Variants in SLMAP observed in about 807,000 individuals in gnomAD.
SLMAP encodes the protein sarcolemma associated protein.
In SLMAP, 44 loss-of-function variants were observed where a neutral mutation model predicts 128.8. The ratio of observed to expected loss-of-function variants is 0.34; its 90% CI spans 0.27 to 0.44. The LOEUF (loss-of-function observed/expected upper bound fraction) is 0.44. SLMAP is among the 20% of genes least tolerant of loss of function. The pLI, the probability that SLMAP is intolerant of heterozygous loss-of-function variation, is 1.00. For missense variants in SLMAP, 787 were observed against 985.3 expected, an observed-to-expected ratio of 0.80 and a Z score of 2.69; for synonymous variants, 327 against 348.8, an observed-to-expected ratio of 0.94 and a Z score of 0.70.
intron 2 of SLMAP, among the ~76,000 whole-genome samples, chr3:57,794,173 G>A (rs947550085): frequency 6.6e-6 from 1 of 151,862 alleles, no homozygotes; most frequent in African/African-American, 2.4e-5. Context: ...TCCCTATTCT[G>A]AAACTCACTT....
intron 17 of SLMAP, among the ~76,000 whole-genome samples, chr3:57,905,664 A>G (rs185521089): frequency 1.8e-4 from 28 of 152,308 alleles, no homozygotes; most frequent in Non-Finnish European, 4.0e-4. Context: ...TTTATCTGCA[A>G]CGTATTTATT....
chr3:57,858,295 ACGT>A, intron 8 of SLMAP, 136 bp downstream of exon 8: 2 of 621,894 alleles, frequency 3.2e-6, no homozygotes, highest in Non-Finnish European at 5.8e-6. Flanking sequence ...GTGCTGAGAA[ACGT>A]CAGACATCCA....
chr3:57,787,330 G>A (rs2084422738), intron 2 of SLMAP, among the ~76,000 whole-genome samples: 1 of 151,946 alleles, frequency 6.6e-6, no homozygotes. Context: ...TCTACTTTAT[G>A]TTACCCATTA....
chr3:57,848,544 T>C (rs2094373494), intron 5 of SLMAP, among the ~76,000 whole-genome samples: 1 of 149,382 alleles, frequency 6.7e-6, no homozygotes, highest in South Asian at 2.2e-4. Context: ...CTTCCTTCCC[T>C]TTTTCCTCCC....
intron 6 of SLMAP, among the ~76,000 whole-genome samples, chr3:57,854,134 ATAGT>A (rs898603683): frequency 6.7e-6 from 1 of 148,670 alleles, no homozygotes; most frequent in African/African-American, 2.5e-5. Context: ...GAGCTGCCAA[ATAGT>A]TATTTAATTC....
At chr3:57,810,328 C>A (rs991231025) in intron 2 of SLMAP, among the ~76,000 whole-genome samples, 7 of 152,186 alleles carry the variant, frequency 4.6e-5, no homozygotes, top group Non-Finnish European at 8.8e-5. Flanking sequence ...GGCATGGGAT[C>A]CAGGCTGGTA....
chr3:57,887,330 A>G (rs899159307), intron 14 of SLMAP, among the ~76,000 whole-genome samples: 3 of 151,872 alleles, frequency 2.0e-5, no homozygotes, highest in African/African-American at 4.8e-5. Flanking sequence ...CCTGGGTTCA[A>G]ACGGTTCTCC....
intron 2 of SLMAP, among the ~76,000 whole-genome samples, chr3:57,824,450 A>G (rs941098087): frequency 6.6e-6 from 1 of 152,178 alleles, no homozygotes. Context: ...GGTATGAGGC[A>G]GGGGTCCAAC....
chr3:57,763,831 GT>G (rs1426546319), intron 2 of SLMAP, among the ~76,000 whole-genome samples: 1 of 152,042 alleles, frequency 6.6e-6, no homozygotes, highest in African/African-American at 2.4e-5. Flanking sequence ...TGTTTTTTTG[GT>G]TATTTTTATT....
intron 2 of SLMAP, among the ~76,000 whole-genome samples, chr3:57,771,868 C>T (rs952197226): frequency 1.3e-5 from 2 of 152,118 alleles, no homozygotes; most frequent in African/African-American, 4.8e-5. Context: ...TGTACAGTTT[C>T]CCTGTTAAAG....
intron 2 of SLMAP, among the ~76,000 whole-genome samples, chr3:57,802,166 T>C (rs1243033220): frequency 6.6e-6 from 1 of 152,202 alleles, no homozygotes; most frequent in Non-Finnish European, 1.5e-5. Flanking sequence ...CAACGATCAC[T>C]GTAATTCAGC....
chr3:57,917,577 G>T, intron 22 of SLMAP: 1 of 158,438 alleles, frequency 6.3e-6, no homozygotes. Flanking sequence ...ATTCATAAAT[G>T]TGCATGCTCA....
intron 14 of SLMAP, among the ~76,000 whole-genome samples, chr3:57,877,871 G>A (rs1453534945): frequency 2.4e-5 from 3 of 124,864 alleles, no homozygotes; most frequent in South Asian, 2.5e-4. Flanking sequence ...GTCTCGCTCC[G>A]TTGCCCAGGC....
At position 57,853,877 on chromosome 3, in the gene SLMAP, G is replaced by C. The variant is rs534238961; in HGVS notation, c.520-3856G>C. ...AATGACTTGGACCCAGGAGGCGGAG[G>C]CTGCGGTGAGCCGAGATCATGCCAC... On this transcript the variant is annotated intron_variant, in intron 6 of 24. Transcript: ENST00000671191. Among the ~76,000 whole-genome samples the C allele has an allele frequency of 8.3e-5, 12 of 144,710 alleles. 1 individual carries two copies. In the South Asian group the frequency reaches 2.0e-3, roughly 24 times the overall value. The allele number at this position is 144,710 out of a possible 152,430, so 94.9% of individuals were successfully genotyped here.
intron 15 of SLMAP, chr3:57,891,163 G>C (rs909859212): frequency 6.7e-6 from 1 of 148,350 alleles, no homozygotes; most frequent in African/African-American, 2.5e-5. Flanking sequence ...TACCTATTCA[G>C]ATTAGTTGGT....
chr3:57,786,882 T>C (rs1375056357), intron 2 of SLMAP, among the ~76,000 whole-genome samples: 1 of 152,008 alleles, frequency 6.6e-6, no homozygotes, highest in African/African-American at 2.4e-5. Flanking sequence ...TACAGGCGCC[T>C]GCCATCACGC....
At chr3:57,855,716 AAAAAAAAAAC>A (rs1186298171) in intron 6 of SLMAP, among the ~76,000 whole-genome samples, 3 of 149,252 alleles carry the variant, frequency 2.0e-5, no homozygotes, top group African/African-American at 5.0e-5. Context: ...TCTGTTAAAA[AAAAAAAAAAC>A]AAAAAAAAAA....
At chr3:57,859,627 T>C (rs2094955579) in intron 8 of SLMAP, among the ~76,000 whole-genome samples, 2 of 152,088 alleles carry the variant, frequency 1.3e-5, no homozygotes, top group Admixed American at 6.6e-5. Context: ...AAATACCACA[T>C]GTTCTCATTT....
At chr3:57,802,419 A>G (rs1177547331) in intron 2 of SLMAP, among the ~76,000 whole-genome samples, 2 of 152,096 alleles carry the variant, frequency 1.3e-5, no homozygotes, top group Non-Finnish European at 2.9e-5. Flanking sequence ...CTGGGATTAC[A>G]GGCATGTGCC....
Sources: gnomAD v4.1 joint callset for allele counts (sites outside exome capture counted in the v4.1 genomes callset) on GRCh38, gnomAD v4.1.1 for gene constraint, MANE v1.5 for transcripts, NCBI Gene and HGNC (gene_info 2026-07-23, HGNC 2026-07-21) for gene names.